TNRC6A: variants seen among roughly 807,000 people sequenced by gnomAD.
TNRC6A encodes the protein trinucleotide repeat containing adaptor 6A.
Under a neutral mutation model 221.2 loss-of-function variants are expected in TNRC6A, and 44 were observed. The observed-to-expected ratio is 0.20, with a 90% CI of 0.16 to 0.26. The LOEUF (loss-of-function observed/expected upper bound fraction) is 0.26. Ranked by LOEUF, TNRC6A falls within the 10% of genes least tolerant of loss-of-function variation. TNRC6A has a pLI of 1.00. For synonymous variants in TNRC6A, 847 were observed against 838.5 expected (o/e 1.01, Z -0.18); for missense variants, 2,199 against 2,404.4 (o/e 0.91, Z 1.79).
chr16:24,733,109 C>T (rs1027565452), intron 2 of TNRC6A, among the ~76,000 whole-genome samples: 5 of 151,978 alleles, frequency 3.3e-5, no homozygotes, highest in South Asian at 2.1e-4. Flanking sequence ...CCCAGCTACC[C>T]GGGAGGCTGA....
chr16:24,687,911 C>CTTCTTCTCTT (rs1555489524), intron 2 of TNRC6A, among the ~76,000 whole-genome samples: 1 of 120,230 alleles, frequency 8.3e-6, no homozygotes, highest in Non-Finnish European at 1.7e-5. Context: ...CTTGGACATG[C>CTTCTTCTCTT]TTCTTTTCTT....
chr16:24,759,483 A>G (rs1024169613), intron 4 of TNRC6A, among the ~76,000 whole-genome samples: 1 of 152,146 alleles, frequency 6.6e-6, no homozygotes, highest in African/African-American at 2.4e-5. Context: ...GAGCTAAGAG[A>G]AGAAAGGCAT....
chr16:24,756,619 A>C (rs555813136), intron 3 of TNRC6A, among the ~76,000 whole-genome samples: 46 of 152,174 alleles, frequency 3.0e-4, no homozygotes, highest in Non-Finnish European at 5.1e-4. Context: ...TATATCCTTT[A>C]TGTTGTAAGG....
rs1362744281 is a variant in TNRC6A at position 24,631,061 on chromosome 16, A to G, written n.277-9823A>G. Among the ~76,000 whole-genome samples the G allele has an allele frequency of 1.6e-4, 24 of 152,234 alleles. No homozygotes were observed. In the East Asian group the frequency reaches 2.7e-3, roughly 17 times the overall value. ...GGACCAGCCCTCCCTGCGCCAATTCATTCTGGAGAAGAACTCTTGGAATCA... is the reference window on the plus strand; with the variant it reads ...GGACCAGCCCTCCCTGCGCCAATTCGTTCTGGAGAAGAACTCTTGGAATCA... On this transcript the variant is annotated intron_variant and non_coding_transcript_variant, in intron 1 of 2. Coordinates refer to the TNRC6A transcript ENST00000566108.
At chr16:24,815,101 C>T in intron 18 of TNRC6A, 46 bp from the exon 19 acceptor site, 1 of 1,589,146 alleles carries the variant, frequency 6.3e-7, no homozygotes, top group African/African-American at 1.4e-5. Context: ...AGAAATAAAT[C>T]TGTGTGTATT....
At chr16:24,635,424 A>C (rs1389383198) in intron 1 of TNRC6A, among the ~76,000 whole-genome samples, 1 of 151,980 alleles carries the variant, frequency 6.6e-6, no homozygotes, top group Non-Finnish European at 1.5e-5. Context: ...CTGAGATTAC[A>C]GGAGCCCACC....
intron 2 of TNRC6A, among the ~76,000 whole-genome samples, chr16:24,655,620 C>T (rs186459409): frequency 1.0e-3 from 157 of 151,142 alleles, no homozygotes; most frequent in Non-Finnish European, 1.7e-3. Flanking sequence ...ACCTGGGAGG[C>T]GGAGGTTGCG....
intron 2 of TNRC6A, among the ~76,000 whole-genome samples, chr16:24,681,032 G>C (rs1329327328): frequency 6.6e-6 from 1 of 150,464 alleles, no homozygotes; most frequent in Non-Finnish European, 1.5e-5. Flanking sequence ...GCCTCCCAAA[G>C]TGCTTAGACA....
intron 5 of TNRC6A, 41 bp downstream of exon 5, chr16:24,777,399 C>A (rs1159099263): frequency 6.4e-7 from 1 of 1,562,068 alleles, no homozygotes; most frequent in South Asian, 1.1e-5. Flanking sequence ...ACCTTATCAT[C>A]ATTAGCTGTA....
chr16:24,719,525 C>T (rs540402988), intron 2 of TNRC6A, among the ~76,000 whole-genome samples: 30 of 151,812 alleles, frequency 2.0e-4, no homozygotes, highest in African/African-American at 6.8e-4. Flanking sequence ...CTGGGTGTGG[C>T]GACAGGTCCC....
intron 2 of TNRC6A, among the ~76,000 whole-genome samples, chr16:24,655,584 G>T (rs1159541758): frequency 3.3e-5 from 5 of 152,084 alleles, no homozygotes. Flanking sequence ...AGCTACTCGG[G>T]AGGCTGAAGT....
At chr16:24,748,447 A>G (rs116373164) in intron 2 of TNRC6A, among the ~76,000 whole-genome samples, 216 of 152,232 alleles carry the variant, frequency 1.4e-3, no homozygotes, top group African/African-American at 5.0e-3. Flanking sequence ...TTCAAAAGAG[A>G]GTGAGTCATG....
chr16:24,670,989 C>T (rs1172992750), intron 2 of TNRC6A: 3 of 409,038 alleles, frequency 7.3e-6, no homozygotes, highest in South Asian at 5.1e-5. Flanking sequence ...GCCGTGATCC[C>T]AGTCTCCTGG....
chr16:24,811,460 C>T (rs1218100193), intron 18 of TNRC6A, among the ~76,000 whole-genome samples: 1 of 152,002 alleles, frequency 6.6e-6, no homozygotes, highest in African/African-American at 2.4e-5. Flanking sequence ...GGCAGTTGGG[C>T]AAGGCTTCTA....
chr16:24,772,198 T>C (rs931319144), intron 4 of TNRC6A, among the ~76,000 whole-genome samples: 1 of 152,212 alleles, frequency 6.6e-6, no homozygotes, highest in Non-Finnish European at 1.5e-5. Flanking sequence ...GTCTTTTTCA[T>C]TCCCAGTGCT....
At chr16:24,712,941 GT>G in intron 2 of TNRC6A, among the ~76,000 whole-genome samples, 1 of 151,072 alleles carries the variant, frequency 6.6e-6, no homozygotes, top group Non-Finnish European at 1.5e-5. Context: ...GTGTGTGTGT[GT>G]GTGTGTGTGT....
At chr16:24,783,109 CT>C (rs2057888117) in intron 5 of TNRC6A, among the ~76,000 whole-genome samples, 1 of 151,878 alleles carries the variant, frequency 6.6e-6, no homozygotes, top group South Asian at 2.1e-4. Context: ...GATCTAAATT[CT>C]TCCTGAATAA....
chr16:24,732,245 CTG>C (rs1449669687), intron 2 of TNRC6A, among the ~76,000 whole-genome samples: 1 of 152,190 alleles, frequency 6.6e-6, no homozygotes, highest in African/African-American at 2.4e-5. Flanking sequence ...CCATCTCTAG[CTG>C]TGTTTCCTTT....
At chr16:24,805,387 G>A (rs1275974355) in intron 14 of TNRC6A, 1 of 915,352 alleles carries the variant, frequency 1.1e-6, no homozygotes, top group Admixed American at 2.9e-5. Context: ...CAAAAGCAAA[G>A]TAAAATTGAC....
Sources: allele counts gnomAD v4.1 joint callset (sites outside exome capture counted in the v4.1 genomes callset), GRCh38; gene constraint gnomAD v4.1.1; transcripts MANE v1.5; gene names NCBI Gene and HGNC (gene_info 2026-07-23, HGNC 2026-07-21).